Variants in CCDC180 observed in about 807,000 individuals in gnomAD.
The protein encoded by CCDC180 is coiled-coil domain containing 180.
A neutral mutation model predicts 209.2 loss-of-function variants in CCDC180; 154 were observed. The observed-to-expected ratio is 0.74, with a 90% CI of 0.65 to 0.84. The LOEUF (loss-of-function observed/expected upper bound fraction) is 0.84. Among genes scored for constraint, CCDC180 ranks in the 40% least tolerant of loss-of-function variants. The pLI, the probability that CCDC180 is intolerant of heterozygous loss-of-function variation, is 0.00. For missense variants in CCDC180, 1,874 were observed against 1,997.3 expected, an observed-to-expected ratio of 0.94 and a Z score of 1.18; for synonymous variants, 778 against 749.1, an observed-to-expected ratio of 1.04 and a Z score of -0.63.
chr9:97,342,680 C>T (rs1826122386), intron 18 of CCDC180, among the ~76,000 whole-genome samples: 1 of 152,190 alleles, frequency 6.6e-6, no homozygotes, highest in African/African-American at 2.4e-5. Context: ...CTTATGCCTC[C>T]CTGGTTCTCT....
At chr9:97,317,030 G>A (rs777812698) in intron 8 of CCDC180, 35 bp from the exon 9 acceptor site, 6 of 1,570,828 alleles carry the variant, frequency 3.8e-6, no homozygotes, top group Middle Eastern at 1.7e-4. Context: ...GAGAGACCCT[G>A]CCCTGTCTAG....
chr9:97,324,025 T>A, intron 13 of CCDC180, 122 bp downstream of exon 13: 1 of 1,205,832 alleles, frequency 8.3e-7, no homozygotes, highest in Non-Finnish European at 1.1e-6. Context: ...CCGCTCACCC[T>A]TGTCAGCCCC....
Position 97,307,712 on chromosome 9 carries a change from A to G in CCDC180, c.-176A>G. 4 of 1,611,102 alleles carry G rather than the reference A, an allele frequency of 2.5e-6. No homozygotes were observed. Among genetic ancestry groups the G allele is most frequent in the South Asian group, 1.1e-5 (1 of 90,956 alleles). ...ATGGCAGAGTGAAGCACAAGCAATA[A>G]TCCTGTATTATTCGCGTTCCCAGAG... On this transcript the variant is annotated 5_prime_UTR_variant, in exon 1 of 37. Coordinates refer to ENST00000529487, the MANE Select transcript of CCDC180 (RefSeq NM_020893.6).
chr9:97,373,657 T>C (rs902035513), intron 34 of CCDC180: 2 of 152,268 alleles, frequency 1.3e-5, no homozygotes, highest in African/African-American at 4.8e-5. Context: ...CCCTTTGCTA[T>C]TGAACTTTGG....
intron 13 of CCDC180, 113 bp from the exon 14 acceptor site, chr9:97,324,906 T>A: frequency 2.1e-6 from 2 of 960,000 alleles, no homozygotes; most frequent in Non-Finnish European, 3.0e-6. Context: ...TGAGGGACGG[T>A]GTCTGGGCAA....
chr9:97,371,733 A>G, intron 34 of CCDC180, 27 bp downstream of exon 34: 1 of 1,504,738 alleles, frequency 6.6e-7, no homozygotes, highest in African/African-American at 1.4e-5. Flanking sequence ...GCCTTGTGTC[A>G]TGGCCCTGGG....
intron 3 of CCDC180, among the ~76,000 whole-genome samples, chr9:97,310,568 C>T (rs1426739313): frequency 1.3e-5 from 2 of 151,504 alleles, no homozygotes; most frequent in Non-Finnish European, 2.9e-5. Context: ...ATGGAGCAGG[C>T]GCGGTGCTCC....
At chr9:97,312,308 C>T in intron 4 of CCDC180, 107 bp downstream of exon 4, 2 of 910,512 alleles carry the variant, frequency 2.2e-6, no homozygotes, top group Non-Finnish European at 3.4e-6. Flanking sequence ...GCCCTGAGCT[C>T]CCACTGTGTT....
At chr9:97,320,260 T>TCTG in intron 11 of CCDC180, 55 bp downstream of exon 11, 1 of 1,517,452 alleles carries the variant, frequency 6.6e-7, no homozygotes, top group Non-Finnish European at 9.2e-7. Flanking sequence ...TTTAAGCAGT[T>TCTG]GCTTTGCTGA....
At chr9:97,362,088 G>T in intron 27 of CCDC180, 108 bp from the exon 28 acceptor site, 1 of 1,473,260 alleles carries the variant, frequency 6.8e-7, no homozygotes, top group Admixed American at 2.1e-5. Flanking sequence ...CTCGTGACAG[G>T]ACTGACTGAC....
chr9:97,323,144 G>A (rs2118620156), intron 12 of CCDC180, among the ~76,000 whole-genome samples: 1 of 152,138 alleles, frequency 6.6e-6, no homozygotes, highest in South Asian at 2.1e-4. Flanking sequence ...TTCTGAAGGT[G>A]TTCCTTCTGC....
rs562270763 is a variant in CCDC180, at chr9:97,311,240, A to T, written c.261-873A>T. 1.1e-4 allele frequency among the ~76,000 whole-genome samples: 16 copies of T among 152,306 alleles called. No homozygotes were observed. The South Asian group carries it at 2.7e-3, about 26-fold the overall frequency. On this transcript the variant is annotated intron_variant, in intron 3 of 36. Transcript: ENST00000529487. ...GCTGGAGTTGACAGCAGGTGTCATC[A>T]TCTCAGCTCCTACAGGGCTGCCTTG... is the stretch of plus-strand genomic sequence containing the variant.
At position 97,343,422 on chromosome 9, in the gene CCDC180, T is replaced by C. The variant is rs766417252; in HGVS notation, c.2357T>C (p.Phe786Ser). ...ACAATCTCCAGTGGAAACACTTATT[T>C]TGTCTTTGTACCCCTGGAAGAAGAG... is the stretch of plus-strand genomic sequence containing the variant. Reference protein sequence around the residue: ...SFTISSGNTYFVFVPLEEEHC... With the variant: ...SFTISSGNTYSVFVPLEEEHC... The change falls in exon 19 of 37, where the codon TTT (phenylalanine) becomes TCT (serine). Residue 786 changes from phenylalanine to serine, a missense_variant. Coordinates refer to ENST00000529487, the MANE Select transcript of CCDC180 (RefSeq NM_020893.6). The C allele has an allele frequency of 5.0e-6, 8 of 1,614,016 alleles. No individual in the cohort carries two copies. The East Asian group carries it at 1.8e-4, about 36-fold the overall frequency.
intron 14 of CCDC180, 115 bp from the exon 15 acceptor site, chr9:97,326,439 G>A: frequency 1.4e-6 from 1 of 690,876 alleles, no homozygotes; most frequent in African/African-American, 1.8e-5. Flanking sequence ...GGAAGTCCTG[G>A]GTCTGCTGAG....
Position 97,320,207 on chromosome 9 carries a change from T to G in CCDC180, c.1159+2T>G. 1 of 1,613,638 alleles carries G rather than the reference T, an allele frequency of 6.2e-7. No homozygotes were observed. The highest frequency in any genetic ancestry group is 8.5e-7 in the Non-Finnish European group (1 of 1,179,536). ...TCAACTCCCTGAACAAGGAGCTAGG[T>G]GAGTGACGTCTGCAGGACTCCACCT... On this transcript the variant is annotated splice_donor_variant, in intron 11 of 36. Transcript: ENST00000529487. LOFTEE classifies it high-confidence loss of function.
At chr9:97,324,539 C>T (rs1833465957) in intron 13 of CCDC180, among the ~76,000 whole-genome samples, 1 of 152,240 alleles carries the variant, frequency 6.6e-6, no homozygotes, top group Non-Finnish European at 1.5e-5. Flanking sequence ...CAGGTGGCAG[C>T]TTGCCCACCC....
chr9:97,310,769 A>G (rs1403996854), intron 3 of CCDC180, among the ~76,000 whole-genome samples: 2 of 152,046 alleles, frequency 1.3e-5, no homozygotes, highest in Non-Finnish European at 2.9e-5. Context: ...GCCACCCCCA[A>G]AACTCCTGAC....
At position 97,365,660 on chromosome 9, in the gene CCDC180, G is replaced by A. The variant is rs376718413; in HGVS notation, c.3981-13G>A. On this transcript the variant is annotated splice_polypyrimidine_tract_variant and intron_variant, in intron 29 of 36. Transcript: ENST00000529487. ...ACCAGGCCCCTCAGGGATCTGTCTC[G>A]TGTGTGTTGCAGGGATTTTAAGGGG... 1.5e-4 allele frequency: 237 copies of A among 1,613,396 alleles called. No homozygotes were observed. The highest frequency in any genetic ancestry group is 1.8e-4 in the Non-Finnish European group (215 of 1,179,364).
At chr9:97,325,588 T>TA (rs1385067656) in intron 14 of CCDC180, among the ~76,000 whole-genome samples, 1 of 152,192 alleles carries the variant, frequency 6.6e-6, no homozygotes, top group East Asian at 1.9e-4. Flanking sequence ...GCAAAGCTAT[T>TA]AAAGTCTAGT....
Sources: allele counts gnomAD v4.1 joint callset (sites outside exome capture counted in the v4.1 genomes callset), GRCh38; gene constraint gnomAD v4.1.1; transcripts MANE v1.5; gene names NCBI Gene and HGNC (gene_info 2026-07-23, HGNC 2026-07-21).